The following PRKN variants were observed in gnomAD, a reference collection of about 807,000 sequenced individuals.
PRKN encodes parkin RBR E3 ubiquitin protein ligase, also known as E3 ubiquitin-protein ligase parkin.
Under a neutral mutation model 59.5 loss-of-function variants are expected in PRKN, and 56 were observed. The ratio of observed to expected loss-of-function variants is 0.94; its 90% CI spans 0.76 to 1.18. The LOEUF is 1.18. Among genes scored for constraint, PRKN ranks in the 50% most tolerant of loss-of-function variants. PRKN has a pLI of 0.00. For missense variants in PRKN, 657 were observed against 596.4 expected (o/e 1.10, Z -1.06); for synonymous variants, 250 against 222.1 (o/e 1.13, Z -1.12).
chr6:162,277,251 G>A (rs1165254007), intron 2 of PRKN, among the ~76,000 whole-genome samples: 1 of 152,126 alleles, frequency 6.6e-6, no homozygotes, highest in Non-Finnish European at 1.5e-5. Flanking sequence ...CAAAAGAGGA[G>A]GGTTATTTCT....
Position 161,529,043 on chromosome 6 carries a change from A to C in PRKN, c.1083+19811T>G, listed in dbSNP as rs898919804. 6.6e-6 allele frequency among the ~76,000 whole-genome samples: 1 copy of C among 152,172 alleles called. No individual in the cohort carries two copies. The highest frequency in any genetic ancestry group is 2.4e-5 in the African/African-American group (1 of 41,434). ...TATTCACAACAACAGTCTTGTTTGA[A>C]TATCTTAATTTAGGAGTCTGCTACT... is the stretch of plus-strand genomic sequence containing the variant. On this transcript the variant is annotated intron_variant, in intron 9 of 11. Coordinates refer to ENST00000366898, the MANE Select transcript of PRKN (RefSeq NM_004562.3). This position sits in a 1 kb window ranked among gnomAD's most constrained non-coding sequence, Gnocchi z 4.4.
rs151081098 is a variant in PRKN at position 162,217,556 on chromosome 6, T to G, written c.413-16304A>C. 2.3e-3 allele frequency among the ~76,000 whole-genome samples: 352 copies of G among 152,150 alleles called. 4 individuals are homozygous for G. Among genetic ancestry groups the G allele is most frequent in the Admixed American group, 5.8e-3 (88 of 15,270 alleles). ...TGTGCCACCACACCCAGCTAATTTT[T>G]TGTGTGTGTATTTTTAGTAGAGATG... On this transcript the variant is annotated intron_variant, in intron 3 of 11. Coordinates refer to ENST00000366898, the MANE Select transcript of PRKN (RefSeq NM_004562.3).
Position 161,546,724 on chromosome 6 carries a change from T to G in PRKN, c.1083+2130A>C, listed in dbSNP as rs1779808246. 6.6e-6 allele frequency among the ~76,000 whole-genome samples: 1 copy of G among 152,058 alleles called. No individual in the cohort carries two copies. Among genetic ancestry groups the G allele is most frequent in the South Asian group, 2.1e-4 (1 of 4,808 alleles). Reference sequence around the variant, plus strand: ...TGAGCTGGATCTAGTATCTCACTTCTAATGAATAAAGTGAGAGTGACAGGT... The same window carrying G: ...TGAGCTGGATCTAGTATCTCACTTCGAATGAATAAAGTGAGAGTGACAGGT... On this transcript the variant is annotated intron_variant, in intron 9 of 11. Coordinates refer to ENST00000366898, the MANE Select transcript of PRKN (RefSeq NM_004562.3). This position sits in a 1 kb window ranked among gnomAD's most constrained non-coding sequence, Gnocchi z 4.4.
chr6:162,173,176 T>C (rs557156711), intron 4 of PRKN, among the ~76,000 whole-genome samples: 1 of 152,330 alleles, frequency 6.6e-6, no homozygotes, highest in African/African-American at 2.4e-5. Flanking sequence ...CAAGGCTCTC[T>C]TTGATCACTC....
intron 1 of PRKN, among the ~76,000 whole-genome samples, chr6:162,567,141 T>A (rs1160638403): frequency 6.6e-6 from 1 of 151,466 alleles, no homozygotes; most frequent in Non-Finnish European, 1.5e-5. Context: ...AAGCCATAAA[T>A]GACAGACCCA....
At chr6:161,994,936 A>AG (rs545459720) in intron 5 of PRKN, among the ~76,000 whole-genome samples, 133 of 150,760 alleles carry the variant, frequency 8.8e-4, no homozygotes, top group Non-Finnish European at 1.6e-3. Flanking sequence ...AAAAAAAAAA[A>AG]CAGTCCTAAA....
At chr6:162,579,088 CTTT>C (rs113580406) in intron 1 of PRKN, among the ~76,000 whole-genome samples, 3,137 of 152,250 alleles carry the variant, frequency 0.021, 106 homozygotes, top group African/African-American at 0.07. Flanking sequence ...ACATATTCTT[CTTT>C]GACATAGCAA....
intron 1 of PRKN, among the ~76,000 whole-genome samples, chr6:162,690,380 T>C (rs1041941590): frequency 3.3e-5 from 5 of 152,226 alleles, no homozygotes; most frequent in African/African-American, 1.2e-4. Flanking sequence ...CAACCTGCTT[T>C]CAGAGTCTCT....
intron 1 of PRKN, among the ~76,000 whole-genome samples, chr6:162,512,172 C>G (rs956058249): frequency 2.0e-5 from 3 of 152,166 alleles, no homozygotes; most frequent in African/African-American, 7.2e-5. Flanking sequence ...ACTATCATCA[C>G]TTTCCTTACA....
In PRKN at chr6:161,402,619, G is replaced by A. The variant is rs1432121284; in HGVS notation, c.1084-15742C>T. 2.6e-5 allele frequency among the ~76,000 whole-genome samples: 4 copies of A among 152,034 alleles called. No individual in the cohort carries two copies. The highest frequency in any genetic ancestry group is 5.9e-5 in the Non-Finnish European group (4 of 68,020). On this transcript the variant is annotated intron_variant, in intron 9 of 11. Coordinates refer to ENST00000366898, the MANE Select transcript of PRKN (RefSeq NM_004562.3). The surrounding 1 kb of genome is among the most constrained non-coding windows in gnomAD (Gnocchi z 4.5). ...TATAAACAGATTAACAGGAGAAAGAGCATATTCAATTCTGTACACATGAGA... is the reference window on the plus strand; with the variant it reads ...TATAAACAGATTAACAGGAGAAAGAACATATTCAATTCTGTACACATGAGA...
intron 1 of PRKN, among the ~76,000 whole-genome samples, chr6:162,617,439 C>G (rs1782474342): frequency 6.6e-6 from 1 of 152,116 alleles, no homozygotes; most frequent in Non-Finnish European, 1.5e-5. Context: ...ACCATGTTGG[C>G]CAGGCTGGTC....
intron 1 of PRKN, among the ~76,000 whole-genome samples, chr6:162,687,430 C>T (rs184950382): frequency 4.9e-4 from 74 of 152,086 alleles, no homozygotes; most frequent in Non-Finnish European, 8.1e-4. Flanking sequence ...GTGATCCACC[C>T]GCCTTGGCCT....
intron 1 of PRKN, among the ~76,000 whole-genome samples, chr6:162,548,218 C>A (rs1779195877): frequency 6.6e-6 from 1 of 152,016 alleles, no homozygotes; most frequent in Non-Finnish European, 1.5e-5. Flanking sequence ...CGCCACTACG[C>A]CCAGCTAATT....
chr6:162,219,218 A>G (rs1777830586), intron 3 of PRKN, among the ~76,000 whole-genome samples: 1 of 152,120 alleles, frequency 6.6e-6, no homozygotes, highest in Non-Finnish European at 1.5e-5. Context: ...ATAAAATAAG[A>G]AATCAGCCAA....
At chr6:161,840,524 G>A (rs1562329787) in intron 6 of PRKN, among the ~76,000 whole-genome samples, 1 of 152,160 alleles carries the variant, frequency 6.6e-6, no homozygotes, top group East Asian at 1.9e-4. Flanking sequence ...ATGGGGGTTT[G>A]TTGTACAGAT....
chr6:161,535,582 T>C (rs1779383310), intron 9 of PRKN, among the ~76,000 whole-genome samples: 1 of 152,218 alleles, frequency 6.6e-6, no homozygotes, highest in Non-Finnish European at 1.5e-5. Context: ...CGAATACAGA[T>C]ATTTCCCAAC....
At chr6:162,620,712 A>G (rs1340235059) in intron 1 of PRKN, among the ~76,000 whole-genome samples, 2 of 128,092 alleles carry the variant, frequency 1.6e-5, no homozygotes, top group Admixed American at 1.6e-4. Flanking sequence ...ACATTTGCAT[A>G]TAGATATTCT....
chr6:161,397,031 C>T lies in PRKN; in HGVS notation c.1084-10154G>A, dbSNP rs555310508. 3.3e-5 allele frequency among the ~76,000 whole-genome samples: 5 copies of T among 152,288 alleles called. No homozygotes were observed. Among genetic ancestry groups the T allele is most frequent in the African/African-American group, 1.2e-4 (5 of 41,548 alleles). ...AGGTATACCTGTTCTGGCCCCTTTCCCCTGCAGCCTCAGCCAAAATGATCA... is the reference window on the plus strand; with the variant it reads ...AGGTATACCTGTTCTGGCCCCTTTCTCCTGCAGCCTCAGCCAAAATGATCA... On this transcript the variant is annotated intron_variant, in intron 9 of 11. Coordinates refer to ENST00000366898, the MANE Select transcript of PRKN (RefSeq NM_004562.3). The surrounding 1 kb of genome is among the most constrained non-coding windows in gnomAD (Gnocchi z 4.2).
chr6:162,630,530 G>A (rs987284386), intron 1 of PRKN, among the ~76,000 whole-genome samples: 2 of 152,086 alleles, frequency 1.3e-5, no homozygotes, highest in Non-Finnish European at 2.9e-5. Context: ...CCTGTTTCTA[G>A]AACATGACTT....
Sources: allele counts gnomAD v4.1 joint callset (sites outside exome capture counted in the v4.1 genomes callset), GRCh38; gene constraint gnomAD v4.1.1; non-coding constraint Gnocchi (gnomAD v3.1); transcripts MANE v1.5; gene names NCBI Gene and HGNC (gene_info 2026-07-23, HGNC 2026-07-21).